TMEFF1: variants seen among roughly 807,000 people sequenced by gnomAD.
The protein encoded by TMEFF1 is transmembrane protein with EGF like and two follistatin like domains 1.
In TMEFF1, 20 loss-of-function variants were observed where a neutral mutation model predicts 47.5. The ratio of observed to expected loss-of-function variants is 0.42; its 90% confidence interval spans 0.30 to 0.61. The LOEUF is 0.61. TMEFF1 is among the 20% of genes least tolerant of loss of function. The pLI, the probability that TMEFF1 is intolerant of heterozygous loss-of-function variation, is 0.19. For missense variants in TMEFF1, 411 were observed against 471.1 expected, an observed-to-expected ratio of 0.87 and a Z score of 1.18; for synonymous variants, 162 against 166.3, an observed-to-expected ratio of 0.97 and a Z score of 0.20.
chr9:100,547,616 C>T, intron 5 of TMEFF1, 128 bp from the exon 6 acceptor site: 1 of 1,142,062 alleles, frequency 8.8e-7, no homozygotes, highest in South Asian at 3.3e-5. Context: ...AAGCTTTCAT[C>T]AGTGACTTAA....
At chr9:100,567,232 G>A (rs1014399115) in intron 8 of TMEFF1, among the ~76,000 whole-genome samples, 2 of 152,290 alleles carry the variant, frequency 1.3e-5, no homozygotes, top group South Asian at 4.1e-4. Context: ...TAGGGGACTT[G>A]CACTGGCTCT....
chr9:100,543,954 G>T (rs565840975), intron 5 of TMEFF1, among the ~76,000 whole-genome samples: 5 of 152,074 alleles, frequency 3.3e-5, no homozygotes, highest in Admixed American at 2.6e-4. Context: ...GTGAGGGCTG[G>T]CTTGTGGCTT....
intron 5 of TMEFF1, among the ~76,000 whole-genome samples, chr9:100,543,746 C>CACAA (rs1554688038): frequency 1.4e-5 from 2 of 147,782 alleles, no homozygotes; most frequent in East Asian, 3.9e-4. Context: ...CACACACACA[C>CACAA]AAATCTCATA....
chr9:100,511,412 C>G (rs1837963387), intron 3 of TMEFF1, among the ~76,000 whole-genome samples: 2 of 152,260 alleles, frequency 1.3e-5, no homozygotes, highest in Middle Eastern at 3.4e-3. Flanking sequence ...ATCACTAAGC[C>G]TCTCTGAGCC....
intron 9 of TMEFF1, among the ~76,000 whole-genome samples, chr9:100,573,662 A>G (rs975881400): frequency 2.3e-4 from 35 of 152,336 alleles, no homozygotes; most frequent in African/African-American, 7.7e-4. Context: ...GCAGGCCATA[A>G]TGGATTTGTG....
At chr9:100,508,870 CCA>C in intron 2 of TMEFF1, 133 bp from the exon 3 acceptor site, 1 of 997,176 alleles carries the variant, frequency 1.0e-6, no homozygotes, top group Non-Finnish European at 1.3e-6. Context: ...TCTTTTTAAG[CCA>C]AAAAAAAAAA....
At chr9:100,501,032 C>T (rs573554630) in intron 2 of TMEFF1, among the ~76,000 whole-genome samples, 9 of 152,274 alleles carry the variant, frequency 5.9e-5, no homozygotes, top group East Asian at 5.8e-4. Flanking sequence ...GGACTCCCCT[C>T]GAACTCTCTC....
At chr9:100,543,410 C>G (rs893406470) in intron 5 of TMEFF1, among the ~76,000 whole-genome samples, 2 of 151,520 alleles carry the variant, frequency 1.3e-5, no homozygotes, top group African/African-American at 2.4e-5. Context: ...CTGTTTGGTT[C>G]TTTTAAAAAT....
chr9:100,538,531 C>T (rs1050176305), intron 5 of TMEFF1, among the ~76,000 whole-genome samples: 3 of 152,232 alleles, frequency 2.0e-5, no homozygotes, highest in African/African-American at 7.2e-5. Context: ...GCATCTGTCT[C>T]TCACCCACAT....
At chr9:100,530,533 C>A (rs1159159977) in intron 5 of TMEFF1, among the ~76,000 whole-genome samples, 1 of 152,148 alleles carries the variant, frequency 6.6e-6, no homozygotes. Context: ...AAGACTAAAT[C>A]AGGAAGAAGT....
chr9:100,513,112 T>G (rs916878462), intron 3 of TMEFF1, among the ~76,000 whole-genome samples, 195 bp from the exon 4 acceptor site: 10 of 152,142 alleles, frequency 6.6e-5, no homozygotes, highest in Non-Finnish European at 2.9e-5. Flanking sequence ...TATAGATGAT[T>G]ATGTATCTAA....
intron 1 of TMEFF1, among the ~76,000 whole-genome samples, chr9:100,489,039 A>G (rs1837502237): frequency 1.3e-5 from 2 of 152,116 alleles, no homozygotes; most frequent in Admixed American, 1.3e-4. Context: ...CTATCACCCC[A>G]GAAAGTTTCT....
At chr9:100,506,859 A>G (rs1162000310) in intron 2 of TMEFF1, among the ~76,000 whole-genome samples, 1 of 151,070 alleles carries the variant, frequency 6.6e-6, no homozygotes, top group Non-Finnish European at 1.5e-5. Flanking sequence ...CACACAATAT[A>G]TTTTTTAAAG....
intron 5 of TMEFF1, among the ~76,000 whole-genome samples, chr9:100,538,316 A>G (rs775508298): frequency 6.6e-6 from 1 of 152,212 alleles, no homozygotes; most frequent in Non-Finnish European, 1.5e-5. Context: ...TCGGCCTCCC[A>G]AAGTGTTGGG....
intron 8 of TMEFF1, among the ~76,000 whole-genome samples, chr9:100,570,103 A>C (rs1381231710): frequency 6.6e-6 from 1 of 152,160 alleles, no homozygotes; most frequent in African/African-American, 2.4e-5. Context: ...CATGCAAATG[A>C]TAGGATTTCC....
chr9:100,520,721 C>T (rs1313673865), intron 5 of TMEFF1, among the ~76,000 whole-genome samples: 3 of 152,114 alleles, frequency 2.0e-5, no homozygotes, highest in Non-Finnish European at 4.4e-5. Context: ...TTAAGCTATT[C>T]TGAGCAGTTC....
intron 1 of TMEFF1, among the ~76,000 whole-genome samples, chr9:100,488,737 G>A (rs1416030157): frequency 6.6e-6 from 1 of 152,170 alleles, no homozygotes; most frequent in African/African-American, 2.4e-5. Context: ...AAATTACTAA[G>A]CTCACACAGC....
At chr9:100,555,341 C>T (rs7021028) in intron 7 of TMEFF1, among the ~76,000 whole-genome samples, 36,896 of 152,062 alleles carry the variant, frequency 0.24, 5,135 homozygotes, top group African/African-American at 0.37. Flanking sequence ...CTGTTGTTTC[C>T]GAAACCATGT....
At chr9:100,508,968 G>A in intron 2 of TMEFF1, 37 bp from the exon 3 acceptor site, 2 of 1,526,622 alleles carry the variant, frequency 1.3e-6, no homozygotes, top group Non-Finnish European at 1.8e-6. Context: ...TAATATTCAT[G>A]CCTAGTTCTG....
Sources: allele counts gnomAD v4.1 joint callset (sites outside exome capture counted in the v4.1 genomes callset), GRCh38; gene constraint gnomAD v4.1.1; transcripts MANE v1.5; gene names NCBI Gene and HGNC (gene_info 2026-07-23, HGNC 2026-07-21).